Variants in TJP1 observed in about 807,000 individuals in gnomAD.
TJP1 encodes tight junction protein ZO-1.
A neutral mutation model predicts 194.2 loss-of-function variants in TJP1; 43 were observed. That is an observed-to-expected ratio of 0.22 (90% CI 0.17 to 0.29). The LOEUF is 0.29. Among genes scored for constraint, TJP1 ranks in the 10% least tolerant of loss-of-function variants. The pLI is 1.00. For missense variants in TJP1, 1,971 were observed against 2,185.7 expected (o/e 0.90, Z 1.96); for synonymous variants, 801 against 779.0 (o/e 1.03, Z -0.47).
At chr15:29,846,552 T>C (rs1449869772) in intron 2 of TJP1, among the ~76,000 whole-genome samples, 4 of 151,970 alleles carry the variant, frequency 2.6e-5, no homozygotes, top group Admixed American at 6.6e-5. Flanking sequence ...TCTAGACATA[T>C]TGAAGAGGTT....
At chr15:29,834,027 G>T (rs1438347300) in intron 2 of TJP1, among the ~76,000 whole-genome samples, 2 of 125,024 alleles carry the variant, frequency 1.6e-5, no homozygotes, top group African/African-American at 2.9e-5. Flanking sequence ...GGATACAGGC[G>T]CCCGCCACCA....
At chr15:29,947,736 C>T (rs921431962) in intron 2 of TJP1, among the ~76,000 whole-genome samples, 4 of 152,220 alleles carry the variant, frequency 2.6e-5, no homozygotes, top group African/African-American at 9.6e-5. Context: ...AGAAAGTTTT[C>T]TGACCCTTTA....
At chr15:29,762,655 C>T (rs1011657239) in intron 5 of TJP1, among the ~76,000 whole-genome samples, 4 of 152,124 alleles carry the variant, frequency 2.6e-5, no homozygotes, top group African/African-American at 7.2e-5. Context: ...ATGGTTCAAA[C>T]GAAGGACTGA....
At chr15:29,852,812 G>C (rs984316903) in intron 2 of TJP1, among the ~76,000 whole-genome samples, 2 of 151,916 alleles carry the variant, frequency 1.3e-5, no homozygotes, top group Admixed American at 6.6e-5. Context: ...GCTGAGGCAG[G>C]AGAATTGCTT....
rs1305592257 is a variant in TJP1 at position 29,720,502 on chromosome 15, G to T, written c.2619C>A (p.Ala873=). The T allele has an allele frequency of 9.3e-6, 15 of 1,613,978 alleles. No individual in the cohort carries two copies. Among genetic ancestry groups the T allele is most frequent in the Non-Finnish European group, 8.5e-6 (10 of 1,180,032 alleles). The stretch of plus-strand genomic sequence containing the variant: ...TTACAGGCTCAGAGGACCGTGTAAT[G>T]GCAGACTCCGGTGGAGTCCCAACCT... ...NDEVGTPPES[A]ITRSSEPVRE... Residue 873 remains alanine, a synonymous_variant, in exon 19 of 28, where the codon GCC becomes GCA. Coordinates refer to ENST00000614355, the MANE Select transcript of TJP1 (RefSeq NM_001330239.4).
intron 4 of TJP1, among the ~76,000 whole-genome samples, chr15:29,770,237 C>T (rs975906819): frequency 4.6e-5 from 7 of 151,944 alleles, no homozygotes; most frequent in African/African-American, 7.3e-5. Flanking sequence ...ACTTGAGGCC[C>T]GGAGTTCAAT....
At chr15:29,751,091 T>C (rs1783678665) in intron 8 of TJP1, among the ~76,000 whole-genome samples, 1 of 152,162 alleles carries the variant, frequency 6.6e-6, no homozygotes, top group South Asian at 2.1e-4. Flanking sequence ...TATATACACA[T>C]TGAAGTTCCC....
chr15:29,726,544 C>T (rs2151191844), intron 17 of TJP1, 65 bp from the exon 18 acceptor site: 4 of 1,462,698 alleles, frequency 2.7e-6, no homozygotes, highest in South Asian at 1.2e-5. Flanking sequence ...ATTAATTCAA[C>T]CCTGCTTACA....
chr15:29,812,045 A>C (rs1457229800), intron 1 of TJP1, among the ~76,000 whole-genome samples: 1 of 152,232 alleles, frequency 6.6e-6, no homozygotes, highest in African/African-American at 2.4e-5. Flanking sequence ...CTGAGCCCAC[A>C]ATCACTCTGA....
intron 23 of TJP1, among the ~76,000 whole-genome samples, chr15:29,713,139 CA>C (rs2042343442): frequency 6.6e-6 from 1 of 152,206 alleles, no homozygotes; most frequent in Non-Finnish European, 1.5e-5. Context: ...TTAAAAGCTA[CA>C]AACCACCATC....
chr15:29,757,948 C>G (rs1702057613), intron 8 of TJP1, among the ~76,000 whole-genome samples: 1 of 152,120 alleles, frequency 6.6e-6, no homozygotes, highest in African/African-American at 2.4e-5. Flanking sequence ...AATGTGAAAA[C>G]AAGGATGAAG....
chr15:29,737,206 AC>A (rs1934492959), intron 11 of TJP1, 57 bp downstream of exon 11: 1 of 1,581,120 alleles, frequency 6.3e-7, no homozygotes, highest in African/African-American at 1.3e-5. Context: ...GTTGTTTGAT[AC>A]CTTTTTCTGG....
Position 29,708,882 on chromosome 15 carries a change from T to G in TJP1, c.4527A>C (p.Pro1509=), listed in dbSNP as rs374963098. The change falls in exon 25 of 28, where the codon CCA becomes CCC. Residue 1509 remains proline (P), a synonymous_variant. Coordinates refer to ENST00000614355, the MANE Select transcript of TJP1 (RefSeq NM_001330239.4). ...TCTGAGTCTGTTCAGTTCCATTAAC[T>G]GGGGCTTTATCTGGAAAACTTTTCT... The part of the protein sequence containing the change: ...YPQKSFPDKA[P]VNGTEQTQKT... 1.2e-6 allele frequency: 2 copies of G among 1,614,066 alleles called. No individual in the cohort carries two copies. The highest frequency in any genetic ancestry group is 2.7e-5 in the African/African-American group (2 of 74,914).
intron 2 of TJP1, among the ~76,000 whole-genome samples, chr15:29,920,981 T>C (rs2140175): frequency 0.58 from 88,122 of 152,026 alleles, 28,959 homozygotes; most frequent in Non-Finnish European, 0.74. Flanking sequence ...GACAGATGGA[T>C]GGATCGGCAG....
intron 2 of TJP1, among the ~76,000 whole-genome samples, chr15:29,897,783 G>C (rs2053522464): frequency 2.0e-5 from 3 of 152,190 alleles, no homozygotes; most frequent in South Asian, 4.1e-4. Flanking sequence ...TGCCCTGCTG[G>C]ATTTTGGACT....
At chr15:29,750,473 A>C (rs1336386300) in intron 8 of TJP1, among the ~76,000 whole-genome samples, 1 of 152,112 alleles carries the variant, frequency 6.6e-6, no homozygotes, top group African/African-American at 2.4e-5. Flanking sequence ...AGCTCTCTTT[A>C]GTTCTTACCA....
chr15:29,785,028 A>T (rs778404363), intron 2 of TJP1, among the ~76,000 whole-genome samples: 9 of 152,218 alleles, frequency 5.9e-5, no homozygotes, highest in Admixed American at 2.6e-4. Flanking sequence ...AGGGGTTTTC[A>T]AAAGAAATGG....
chr15:29,851,663 A>C (rs1467486351), intron 2 of TJP1, among the ~76,000 whole-genome samples: 1 of 152,258 alleles, frequency 6.6e-6, no homozygotes, highest in Non-Finnish European at 1.5e-5. Flanking sequence ...TGAAAAAAAT[A>C]AAATGGAAGA....
In TJP1 at chr15:29,708,844, G is replaced by A. The variant is rs1445574205; in HGVS notation, c.4565C>T (p.Pro1522Leu). The A allele has an allele frequency of 6.2e-7, 1 of 1,614,172 alleles. No homozygotes were observed. The highest frequency in any genetic ancestry group is 1.1e-5 in the South Asian group (1 of 91,090). ...TTTTGGTGTGAATCGATTGTATGCT[G>A]GAGTGACTGTTTTCTGAGTCTGTTC... ...GTEQTQKTVT[P>L]AYNRFTPKPY... is the part of the protein sequence containing the mutation. The change falls in exon 25 of 28, where the codon CCA becomes CTA. Residue 1522 changes from proline (P) to leucine (L), a missense_variant. Pro to Leu is a moderately conservative substitution (Grantham distance 98, BLOSUM62 -3). Transcript: ENST00000614355.
Sources: gnomAD v4.1 joint callset for allele counts (sites outside exome capture counted in the v4.1 genomes callset) on GRCh38, gnomAD v4.1.1 for gene constraint, MANE v1.5 for transcripts, NCBI Gene and HGNC (gene_info 2026-07-23, HGNC 2026-07-21) for gene names.